KDM2A: variants seen among roughly 807,000 people sequenced by gnomAD.
KDM2A encodes the protein lysine demethylase 2A, also known as lysine-specific demethylase 2A.
A neutral mutation model predicts 137.3 loss-of-function variants in KDM2A; 3 were observed. The observed-to-expected ratio is 0.02, with a 90% CI of 0.01 to 0.06. The LOEUF (loss-of-function observed/expected upper bound fraction) is 0.06. KDM2A is among the 10% of genes least tolerant of loss of function. The probability of loss-of-function intolerance (pLI) is 1.00; values close to 1 mark genes in which losing one functional copy is unlikely to be tolerated. For missense variants in KDM2A, 738 were observed against 1,510.6 expected (o/e 0.49, Z 8.48); for synonymous variants, 512 against 541.5 (o/e 0.95, Z 0.76).
Position 67,256,877 on chromosome 11 carries a change from C to G in KDM2A, c.*1822C>G, listed in dbSNP as rs1354859165. Reference sequence around the variant, plus strand: ...AACAGCAGTCTGCTCCCATGACCCTCTGCCCACTTCCATTGGTCTCCAGGC... The same window carrying G: ...AACAGCAGTCTGCTCCCATGACCCTGTGCCCACTTCCATTGGTCTCCAGGC... On this transcript the variant is annotated 3_prime_UTR_variant, in exon 21 of 21. Coordinates refer to ENST00000529006, the MANE Select transcript of KDM2A (RefSeq NM_012308.3). 6.6e-6 allele frequency: 1 copy of G among 152,662 alleles called. No homozygotes were observed. Among genetic ancestry groups the G allele is most frequent in the Non-Finnish European group, 1.5e-5 (1 of 68,048 alleles). 9.5% of individuals were successfully genotyped at this position (152,662 alleles called of 1,614,324 possible). A position where few individuals can be genotyped will look rare whatever the true frequency, so the allele number is the denominator to read the frequency against.
intron 2 of KDM2A, among the ~76,000 whole-genome samples, chr11:67,155,641 A>G (rs2136311139): frequency 7.2e-6 from 1 of 139,802 alleles, no homozygotes; most frequent in South Asian, 2.3e-4. Context: ...TTTGAAACGG[A>G]GTTTTGTTGT....
At chr11:67,147,396 G>A (rs1217660002) in intron 2 of KDM2A, among the ~76,000 whole-genome samples, 1 of 151,874 alleles carries the variant, frequency 6.6e-6, no homozygotes, top group Non-Finnish European at 1.5e-5. Context: ...AAGAAAATTA[G>A]CCGGGTGTGG....
At chr11:67,205,812 C>T (rs1857788910) in intron 5 of KDM2A, among the ~76,000 whole-genome samples, 1 of 151,920 alleles carries the variant, frequency 6.6e-6, no homozygotes, top group Non-Finnish European at 1.5e-5. Context: ...TTTTTATTTT[C>T]TCTCCCTTCC....
At chr11:67,123,840 C>T (rs1855654540) in intron 2 of KDM2A, among the ~76,000 whole-genome samples, 1 of 152,076 alleles carries the variant, frequency 6.6e-6, no homozygotes, top group Non-Finnish European at 1.5e-5. Context: ...CCACACCTGG[C>T]TGATTTTTGT....
In KDM2A at chr11:67,255,777, C is replaced by G. The variant is rs976963650; in HGVS notation, c.*722C>G. ...TTGGGGTTGAAGCTCTTCAGAGGAG[C>G]TGGAACTGTCTACCCCAGGGACACA... On this transcript the variant is annotated 3_prime_UTR_variant, in exon 21 of 21. Transcript: ENST00000529006. 8.9e-6 allele frequency: 3 copies of G among 338,736 alleles called. No homozygotes were observed. Among genetic ancestry groups the G allele is most frequent in the Non-Finnish European group, 1.8e-5 (3 of 169,242 alleles). 21.0% of individuals were successfully genotyped at this position (338,736 alleles called of 1,614,324 possible).
In KDM2A at chr11:67,139,976, C is replaced by T. The variant is rs368587739; in HGVS notation, c.42+18618C>T. 1.3e-4 allele frequency among the ~76,000 whole-genome samples: 19 copies of T among 151,894 alleles called. 1 individual carries two copies. The highest frequency in any genetic ancestry group is 4.1e-4 in the African/African-American group (17 of 41,442). On this transcript the variant is annotated intron_variant, in intron 2 of 20. Coordinates refer to ENST00000529006, the MANE Select transcript of KDM2A (RefSeq NM_012308.3). ...ATCTTGGCCTTCCACAGTGTTGGAA[C>T]TATAGGCGTGAGCCACCGCACCTGG...
intron 5 of KDM2A, among the ~76,000 whole-genome samples, chr11:67,184,636 G>T (rs893373116): frequency 6.6e-6 from 1 of 152,110 alleles, no homozygotes; most frequent in African/African-American, 2.4e-5. Flanking sequence ...AAAAAAAGGT[G>T]AGTGGAGGGT....
In KDM2A at chr11:67,254,166, G is replaced by C. The variant is rs753043635; in HGVS notation, c.3092-37G>C. 2.0e-5 allele frequency: 31 copies of C among 1,572,246 alleles called. No homozygotes were observed. In the South Asian group the frequency reaches 3.4e-4, roughly 17 times the overall value. ...AGCCTTGAAGCTGGATTAGAGAATTGAGAGTTTTGATCTAGGCTCTTCTCT... is the reference window on the plus strand; with the variant it reads ...AGCCTTGAAGCTGGATTAGAGAATTCAGAGTTTTGATCTAGGCTCTTCTCT... On this transcript the variant is annotated intron_variant, in intron 19 of 20. Coordinates refer to ENST00000529006, the MANE Select transcript of KDM2A (RefSeq NM_012308.3). The surrounding 1 kb of genome is among the most constrained non-coding windows in gnomAD (Gnocchi z 4.7).
intron 2 of KDM2A, among the ~76,000 whole-genome samples, chr11:67,138,038 C>G (rs1416292328): frequency 6.6e-6 from 1 of 152,094 alleles, no homozygotes; most frequent in Non-Finnish European, 1.5e-5. Context: ...CCTTGTGATT[C>G]GCCTGCCTCA....
At chr11:67,150,683 G>A (rs1200465421) in intron 2 of KDM2A, among the ~76,000 whole-genome samples, 5 of 152,122 alleles carry the variant, frequency 3.3e-5, no homozygotes, top group South Asian at 2.1e-4. Context: ...TCTCTTCTCT[G>A]GGGAATTAGA....
chr11:67,165,162 C>T (rs1489078801), intron 2 of KDM2A, among the ~76,000 whole-genome samples: 1 of 151,532 alleles, frequency 6.6e-6, no homozygotes, highest in African/African-American at 2.4e-5. Context: ...ACTCTTGTTA[C>T]CCAGGCTGGA....
intron 5 of KDM2A, among the ~76,000 whole-genome samples, chr11:67,189,579 C>G (rs1448853472): frequency 6.6e-6 from 1 of 152,126 alleles, no homozygotes; most frequent in Non-Finnish European, 1.5e-5. Flanking sequence ...GTGGCTCACG[C>G]CTGTAATCCT....
In KDM2A at chr11:67,254,132, G is replaced by A. The variant is rs1859525959; in HGVS notation, c.3092-71G>A. On this transcript the variant is annotated intron_variant, in intron 19 of 20. Coordinates refer to ENST00000529006, the MANE Select transcript of KDM2A (RefSeq NM_012308.3). This position sits in a 1 kb window ranked among gnomAD's most constrained non-coding sequence, Gnocchi z 4.7. ...GGGGCCTGGCCAGCAAGTAGCTGTT[G>A]CTGCCTGGAGCCTTGAAGCTGGATT... 7.1e-7 allele frequency: 1 copy of A among 1,405,444 alleles called. No individual in the cohort carries two copies. The highest frequency in any genetic ancestry group is 1.4e-5 in the African/African-American group (1 of 70,544). 87.1% of individuals were successfully genotyped at this position (1,405,444 alleles called of 1,614,324 possible).
chr11:67,246,495 A>G (rs1306850534), intron 15 of KDM2A, among the ~76,000 whole-genome samples: 1 of 152,046 alleles, frequency 6.6e-6, no homozygotes, highest in Non-Finnish European at 1.5e-5. Flanking sequence ...TTCCTAAGGG[A>G]GAGTGAGGAT....
chr11:67,228,241 C>A, intron 11 of KDM2A, 78 bp downstream of exon 11: 1 of 1,461,030 alleles, frequency 6.8e-7, no homozygotes. Flanking sequence ...AGTAGGCTGT[C>A]ACTCAATATG....
chr11:67,152,318 A>G (rs1237407281), intron 2 of KDM2A, among the ~76,000 whole-genome samples: 1 of 151,816 alleles, frequency 6.6e-6, no homozygotes, highest in African/African-American at 2.4e-5. Context: ...GTCTCAACAA[A>G]AAATTAATTT....
At chr11:67,169,205 T>C (rs1303041983) in intron 2 of KDM2A, among the ~76,000 whole-genome samples, 1 of 151,694 alleles carries the variant, frequency 6.6e-6, no homozygotes, top group East Asian at 2.0e-4. Context: ...CCACCTGCCT[T>C]GGCCTCCCAA....
chr11:67,147,102 A>T (rs984315768), intron 2 of KDM2A, among the ~76,000 whole-genome samples: 1 of 152,156 alleles, frequency 6.6e-6, no homozygotes, highest in African/African-American at 2.4e-5. Flanking sequence ...AGTGTCTGCC[A>T]TGTAAGTCCG....
rs1859632956 is a variant in KDM2A, at chr11:67,256,887, C to G, written c.*1832C>G. 6.6e-6 allele frequency: 1 copy of G among 152,654 alleles called. No individual in the cohort carries two copies. Among genetic ancestry groups the G allele is most frequent in the Non-Finnish European group, 1.5e-5 (1 of 68,046 alleles). The allele number at this position is 152,654 out of a possible 1,614,324, so 9.5% of individuals were successfully genotyped here. On this transcript the variant is annotated 3_prime_UTR_variant, in exon 21 of 21. Transcript: ENST00000529006. ...TGCTCCCATGACCCTCTGCCCACTT[C>G]CATTGGTCTCCAGGCCCCAATAATC...
Sources: gnomAD v4.1 joint callset for allele counts (sites outside exome capture counted in the v4.1 genomes callset) on GRCh38, gnomAD v4.1.1 for gene constraint, Gnocchi (gnomAD v3.1) non-coding constraint, MANE v1.5 for transcripts, NCBI Gene and HGNC (gene_info 2026-07-23, HGNC 2026-07-21) for gene names.